Variants in SUSD4 observed in about 807,000 individuals in gnomAD.
SUSD4 encodes sushi domain containing 4, also known as sushi domain-containing protein 4.
Under a neutral mutation model 50.5 loss-of-function variants are expected in SUSD4, and 41 were observed. The ratio of observed to expected loss-of-function variants is 0.81; its 90% confidence interval spans 0.63 to 1.05. The LOEUF (loss-of-function observed/expected upper bound fraction) is 1.05, where lower values mean the gene tolerates loss of function less well. SUSD4 is among the 50% of genes least tolerant of loss of function. The pLI, the probability that SUSD4 is intolerant of heterozygous loss-of-function variation, is 0.00. For missense variants in SUSD4, 580 were observed against 634.7 expected (o/e 0.91, Z 0.93); for synonymous variants, 257 against 257.3 (o/e 1.00, Z 0.01).
At chr1:223,326,188 A>T (rs2103259614) in intron 2 of SUSD4, among the ~76,000 whole-genome samples, 1 of 152,360 alleles carries the variant, frequency 6.6e-6, no homozygotes, top group African/African-American at 2.4e-5. Context: ...GAAACCAGAA[A>T]TAAAGCCAAA....
At chr1:223,283,359 T>A (rs554895839) in intron 3 of SUSD4, among the ~76,000 whole-genome samples, 1 of 152,186 alleles carries the variant, frequency 6.6e-6, no homozygotes, top group East Asian at 1.9e-4. Context: ...ATCTAGAATC[T>A]ACAAATAAAT....
At chr1:223,323,536 A>G (rs2103252954) in intron 2 of SUSD4, among the ~76,000 whole-genome samples, 1 of 152,264 alleles carries the variant, frequency 6.6e-6, no homozygotes. Flanking sequence ...GGAAGGGTCC[A>G]GCCATGAGGC....
At chr1:223,230,919 C>G (rs1659853071) in intron 5 of SUSD4, among the ~76,000 whole-genome samples, 1 of 152,088 alleles carries the variant, frequency 6.6e-6, no homozygotes, top group Non-Finnish European at 1.5e-5. Context: ...TAGTTCAGAG[C>G]TGACAAACTG....
chr1:223,242,169 C>T (rs1224888150), intron 5 of SUSD4, among the ~76,000 whole-genome samples: 1 of 152,130 alleles, frequency 6.6e-6, no homozygotes, highest in African/African-American at 2.4e-5. Flanking sequence ...TCTTGAACTC[C>T]TAGGCTCAAG....
At chr1:223,302,141 G>C (rs1665236868) in intron 2 of SUSD4, among the ~76,000 whole-genome samples, 1 of 152,056 alleles carries the variant, frequency 6.6e-6, no homozygotes, top group South Asian at 2.1e-4. Flanking sequence ...TCTTCCTCCT[G>C]CTCCAGCCAC....
intron 2 of SUSD4, among the ~76,000 whole-genome samples, chr1:223,324,618 T>C (rs1253717212): frequency 6.6e-6 from 1 of 151,608 alleles, no homozygotes; most frequent in Admixed American, 6.6e-5. Context: ...AGTCTGGAAA[T>C]GCAGTTATCT....
chr1:223,236,017 A>G (rs1023706530), intron 5 of SUSD4, among the ~76,000 whole-genome samples: 1 of 152,304 alleles, frequency 6.6e-6, no homozygotes, highest in Admixed American at 6.5e-5. Flanking sequence ...CATCCTCTTC[A>G]GCATTTCGGT....
Position 223,291,488 on chromosome 1 carries a change from CAAAAAAAAA to C in SUSD4, c.361+942_361+950del, listed in dbSNP as rs71572850. Reference sequence around the variant, plus strand: ...TGGATGACAGAGGGAGACACTGTCTCAAAAAAAAAAAAAAAAAAAAAAGCTTATTAAGTT... The same window carrying C: ...TGGATGACAGAGGGAGACACTGTCTCAAAAAAAAAAAAAGCTTATTAAGTT... On this transcript the variant is annotated intron_variant, in intron 3 of 8. Transcript: ENST00000366878. 1.0e-4 allele frequency among the ~76,000 whole-genome samples: 5 copies of C among 49,550 alleles called. No individual in the cohort carries two copies. In the East Asian group the frequency reaches 1.9e-3, roughly 19 times the overall value. The allele number at this position is 49,550 out of a possible 152,430, so 32.5% of individuals were successfully genotyped here. A position where few individuals can be genotyped will look rare whatever the true frequency, so the allele number is the denominator to read the frequency against.
chr1:223,363,426 CT>C lies in SUSD4; in HGVS notation c.-2del. 1 of 1,549,078 alleles carries C rather than the reference CT, an allele frequency of 6.5e-7. No homozygotes were observed. Among genetic ancestry groups the C allele is most frequent in the Non-Finnish European group, 8.7e-7 (1 of 1,145,426 alleles). On this transcript the variant is annotated 5_prime_UTR_variant, in exon 2 of 9. Coordinates refer to ENST00000366878, the MANE Select transcript of SUSD4 (RefSeq NM_017982.4). ...TGCTCGGGTTCATTCCATGATACAT[CT>C]TTCATCCACAGAGGGCATCCAGCTT...
At chr1:223,311,626 T>C (rs186655825) in intron 2 of SUSD4, among the ~76,000 whole-genome samples, 88 of 152,314 alleles carry the variant, frequency 5.8e-4, no homozygotes, top group Non-Finnish European at 5.9e-5. Context: ...GTAAGATGAG[T>C]GCAAGAAAAA....
rs1169768106 is a variant in SUSD4 at position 223,221,240 on chromosome 1, T to C, written c.*952A>G. On this transcript the variant is annotated 3_prime_UTR_variant, in exon 9 of 9. Coordinates refer to ENST00000366878, the MANE Select transcript of SUSD4 (RefSeq NM_017982.4). The stretch of plus-strand genomic sequence containing the variant: ...ATGTTTACAGAAACAATTTCTGTTT[T>C]GGAAAATAAATGTATGGTTCAATTT... 2 of 398,208 alleles carry C rather than the reference T, an allele frequency of 5.0e-6. No homozygotes were observed. Among genetic ancestry groups the C allele is most frequent in the Admixed American group, 4.4e-5 (1 of 22,714 alleles). The allele number at this position is 398,208 out of a possible 1,614,324, so 24.7% of individuals were successfully genotyped here. A position where few individuals can be genotyped will look rare whatever the true frequency, so the allele number is the denominator to read the frequency against.
At chr1:223,286,933 A>G (rs1369450922) in intron 3 of SUSD4, among the ~76,000 whole-genome samples, 3 of 152,180 alleles carry the variant, frequency 2.0e-5, no homozygotes, top group Admixed American at 6.5e-5. Context: ...CTCCATGGCC[A>G]TATCTTGAAG....
chr1:223,269,590 C>A (rs1216954083), intron 3 of SUSD4, among the ~76,000 whole-genome samples: 1 of 152,210 alleles, frequency 6.6e-6, no homozygotes, highest in Non-Finnish European at 1.5e-5. Context: ...ATGTGTCTCT[C>A]TCCATCTCTT....
chr1:223,346,645 C>T (rs982728601), intron 2 of SUSD4, among the ~76,000 whole-genome samples: 2 of 152,174 alleles, frequency 1.3e-5, no homozygotes, highest in Admixed American at 6.5e-5. Context: ...ACCCTTTAGC[C>T]TCTCTCTGCC....
At chr1:223,316,705 C>T (rs1666210272) in intron 2 of SUSD4, among the ~76,000 whole-genome samples, 1 of 152,104 alleles carries the variant, frequency 6.6e-6, no homozygotes, top group South Asian at 2.1e-4. Flanking sequence ...TTCACACACC[C>T]ATTTTATAAC....
At chr1:223,228,648 G>A (rs948972181) in intron 6 of SUSD4, among the ~76,000 whole-genome samples, 5 of 152,168 alleles carry the variant, frequency 3.3e-5, no homozygotes, top group African/African-American at 1.2e-4. Flanking sequence ...ATGGCCTATA[G>A]TTTTACAAGT....
chr1:223,267,947 TA>T (rs1160483435), intron 4 of SUSD4, among the ~76,000 whole-genome samples: 4 of 147,858 alleles, frequency 2.7e-5, no homozygotes, highest in African/African-American at 1.0e-4. Context: ...TGCAAGGGAA[TA>T]AATATTCACC....
Position 223,332,849 on chromosome 1 carries a change from G to A in SUSD4, c.148+30429C>T, listed in dbSNP as rs1380551418. On this transcript the variant is annotated intron_variant, in intron 2 of 8. Coordinates refer to ENST00000366878, the MANE Select transcript of SUSD4 (RefSeq NM_017982.4). This position sits in a 1 kb window ranked among gnomAD's most constrained non-coding sequence, Gnocchi z 4.0. ...GCTAAGCGGGTACTGGGGAGGGTGG[G>A]GACCATCCTGGGAGTGCCTTGCAAT... Among the ~76,000 whole-genome samples, 1 of 152,020 alleles carries A rather than the reference G, an allele frequency of 6.6e-6. No homozygotes were observed. Among genetic ancestry groups the A allele is most frequent in the African/African-American group, 2.4e-5 (1 of 41,366 alleles).
intron 3 of SUSD4, among the ~76,000 whole-genome samples, chr1:223,276,252 C>T (rs2103102112): frequency 6.6e-6 from 1 of 152,346 alleles, no homozygotes; most frequent in South Asian, 2.1e-4. Flanking sequence ...TTTATACAGG[C>T]TCTGACAAGG....
Sources: gnomAD v4.1 joint callset for allele counts (sites outside exome capture counted in the v4.1 genomes callset) on GRCh38, gnomAD v4.1.1 for gene constraint, Gnocchi (gnomAD v3.1) non-coding constraint, MANE v1.5 for transcripts, NCBI Gene and HGNC (gene_info 2026-07-23, HGNC 2026-07-21) for gene names.